Variants in SEMA3A observed in about 807,000 individuals in gnomAD.
SEMA3A encodes the protein semaphorin 3A.
Under a neutral mutation model 97.9 loss-of-function variants are expected in SEMA3A, and 29 were observed. That is an observed-to-expected ratio of 0.30 (90% CI 0.22 to 0.40). SEMA3A has a LOEUF of 0.40. Ranked by LOEUF, SEMA3A falls within the 10% of genes least tolerant of loss-of-function variation. SEMA3A has a pLI of 1.00. For missense variants in SEMA3A, 763 were observed against 951.3 expected (o/e 0.80, Z 2.60); for synonymous variants, 321 against 323.7 (o/e 0.99, Z 0.09).
intron 11 of SEMA3A, 58 bp from the exon 12 acceptor site, chr7:84,002,104 G>T: frequency 1.1e-6 from 1 of 908,864 alleles, no homozygotes; most frequent in Non-Finnish European, 1.7e-6. Flanking sequence ...AGAGATTAGT[G>T]TTAATGAATG....
intron 1 of SEMA3A, among the ~76,000 whole-genome samples, chr7:84,161,471 G>A (rs552166779): frequency 3.0e-4 from 45 of 152,190 alleles, no homozygotes; most frequent in Non-Finnish European, 5.7e-4. Context: ...ACACCCTCAC[G>A]GGACATCAGG....
At chr7:84,214,928 T>C (rs1798711517) in intron 3 of SEMA3A, among the ~76,000 whole-genome samples, 1 of 151,562 alleles carries the variant, frequency 6.6e-6, no homozygotes, top group Non-Finnish European at 1.5e-5. Context: ...CTTGAACTCC[T>C]GACCTTAGAT....
chr7:84,339,657 T>C (rs572034140), intron 2 of SEMA3A, among the ~76,000 whole-genome samples: 42 of 152,258 alleles, frequency 2.8e-4, no homozygotes, highest in South Asian at 6.2e-4. Context: ...TTATTTTGAT[T>C]GGGGCATTTG....
At chr7:84,039,756 G>A (rs1444330274) in intron 6 of SEMA3A, among the ~76,000 whole-genome samples, 2 of 151,960 alleles carry the variant, frequency 1.3e-5, no homozygotes, top group African/African-American at 2.4e-5. Context: ...GGCTTAAAGT[G>A]TTATGCAACT....
chr7:84,131,742 TA>T (rs1795966931), intron 2 of SEMA3A, among the ~76,000 whole-genome samples: 2 of 151,714 alleles, frequency 1.3e-5, no homozygotes, highest in Non-Finnish European at 2.9e-5. Flanking sequence ...AAAGGAATAT[TA>T]AAACACTCCA....
In SEMA3A at chr7:84,341,159, A is replaced by C. The variant is rs1182401578; in HGVS notation, c.-169+30665T>G. On this transcript the variant is annotated intron_variant, in intron 2 of 3. Coordinates refer to the SEMA3A transcript ENST00000424555. ...ACAAGTAAAGTTTCTGCTACACTTC[A>C]TGTAGACATGATTTGCCACAACATC... 2.0e-5 allele frequency among the ~76,000 whole-genome samples: 3 copies of C among 152,314 alleles called. No homozygotes were observed. In the East Asian group the frequency reaches 5.8e-4, roughly 29 times the overall value.
At position 84,447,161 on chromosome 7, in the gene SEMA3A, T is replaced by C. The variant is rs1036642184; in HGVS notation, c.-246+45299A>G. Among the ~76,000 whole-genome samples, 15 of 152,184 alleles carry C rather than the reference T, an allele frequency of 9.9e-5. 1 individual carries two copies. The highest frequency in any genetic ancestry group is 1.9e-4 in the Non-Finnish European group (13 of 68,022). On this transcript the variant is annotated intron_variant, in intron 1 of 3. Coordinates refer to the SEMA3A transcript ENST00000424555. ...GGGTGGTGCTGACATGCCAGCCCCC[T>C]GCCGCTTCGATGCCCTCTGGTCTTT...
intron 1 of SEMA3A, among the ~76,000 whole-genome samples, chr7:84,372,764 CCAGAA>C (rs1317374105): frequency 5.3e-5 from 8 of 152,050 alleles, no homozygotes; most frequent in African/African-American, 1.9e-4. Flanking sequence ...AAGTTTAGAA[CCAGAA>C]TATCTTTTCA....
intron 12 of SEMA3A, among the ~76,000 whole-genome samples, chr7:83,997,744 C>CA (rs1554389749): frequency 1.4e-5 from 2 of 142,884 alleles, no homozygotes; most frequent in East Asian, 4.1e-4. Context: ...TGAAATTTTT[C>CA]TTTTTTTTTT....
At chr7:84,016,851 G>A (rs12674315) in intron 6 of SEMA3A, among the ~76,000 whole-genome samples, 1 of 151,916 alleles carries the variant, frequency 6.6e-6, no homozygotes, top group Admixed American at 6.6e-5. Context: ...GTAAGTTTGA[G>A]GATATTATAA....
chr7:84,143,016 G>A (rs1038808247), intron 1 of SEMA3A, among the ~76,000 whole-genome samples: 3 of 152,064 alleles, frequency 2.0e-5, no homozygotes, highest in Non-Finnish European at 4.4e-5. Context: ...CTACAGTTTT[G>A]CTTAACACAA....
chr7:84,186,887 T>C (rs1247125631), intron 1 of SEMA3A, among the ~76,000 whole-genome samples: 3 of 152,174 alleles, frequency 2.0e-5, no homozygotes, highest in Non-Finnish European at 4.4e-5. Flanking sequence ...ATCAGTATCT[T>C]AAACAAAGAA....
At chr7:84,329,683 A>G (rs540135513) in intron 2 of SEMA3A, among the ~76,000 whole-genome samples, 9 of 152,206 alleles carry the variant, frequency 5.9e-5, no homozygotes, top group Admixed American at 5.9e-4. Flanking sequence ...AATAAGATGG[A>G]GGCCGTAGTT....
At chr7:84,227,408 AT>A (rs993935711) in intron 3 of SEMA3A, among the ~76,000 whole-genome samples, 16 of 150,620 alleles carry the variant, frequency 1.1e-4, no homozygotes, top group East Asian at 9.8e-4. Flanking sequence ...CTAAAAATAC[AT>A]TTTTTTTTGC....
chr7:83,992,062 T>C (rs28882768), intron 12 of SEMA3A, among the ~76,000 whole-genome samples: 34,728 of 129,622 alleles, frequency 0.27, 5,237 homozygotes, highest in East Asian at 0.6. Context: ...AGTGTATGTG[T>C]CGAGGAATTT....
chr7:84,380,347 C>G (rs1178688639), intron 1 of SEMA3A, among the ~76,000 whole-genome samples: 1 of 152,110 alleles, frequency 6.6e-6, no homozygotes, highest in Non-Finnish European at 1.5e-5. Flanking sequence ...TGTTCACAAT[C>G]TAGTTTGATA....
At chr7:84,287,906 A>C (rs956002646) in intron 3 of SEMA3A, among the ~76,000 whole-genome samples, 1 of 152,186 alleles carries the variant, frequency 6.6e-6, no homozygotes, top group Non-Finnish European at 1.5e-5. Flanking sequence ...ATACAAAAAT[A>C]ATAATAACAG....
intron 5 of SEMA3A, among the ~76,000 whole-genome samples, chr7:84,049,780 T>G (rs1792526569): frequency 6.6e-6 from 1 of 151,418 alleles, no homozygotes; most frequent in South Asian, 2.1e-4. Flanking sequence ...TAGTTACATA[T>G]GTATACATGT....
chr7:83,990,638 G>C (rs1336407475), intron 12 of SEMA3A, among the ~76,000 whole-genome samples: 2 of 146,842 alleles, frequency 1.4e-5, no homozygotes, highest in Admixed American at 1.4e-4. Context: ...TAGATATGTG[G>C]CTCTATTTCT....
Sources: gnomAD v4.1 joint callset for allele counts (sites outside exome capture counted in the v4.1 genomes callset) on GRCh38, gnomAD v4.1.1 for gene constraint, MANE v1.5 for transcripts, NCBI Gene and HGNC (gene_info 2026-07-23, HGNC 2026-07-21) for gene names.